The following SHROOM3 variants were observed in gnomAD, a reference collection of about 807,000 sequenced individuals.
SHROOM3 encodes the protein shroom family member 3.
Under a neutral mutation model 138.6 loss-of-function variants are expected in SHROOM3, and 47 were observed. The ratio of observed to expected loss-of-function variants is 0.34; its 90% confidence interval spans 0.27 to 0.43. The LOEUF (loss-of-function observed/expected upper bound fraction) is 0.43. SHROOM3 is among the 20% of genes least tolerant of loss of function. The probability of loss-of-function intolerance (pLI) is 1.00; values close to 1 mark genes in which losing one functional copy is unlikely to be tolerated. For missense variants in SHROOM3, 2,491 were observed against 2,596.5 expected, an observed-to-expected ratio of 0.96 and a Z score of 0.88; for synonymous variants, 1,062 against 1,063.3, an observed-to-expected ratio of 1.00 and a Z score of 0.02.
chr4:76,501,222 C>A (rs1459848309), intron 1 of SHROOM3, among the ~76,000 whole-genome samples: 1 of 152,144 alleles, frequency 6.6e-6, no homozygotes, highest in Admixed American at 6.5e-5. Flanking sequence ...CAAATATCTT[C>A]ACTCTGAGGC....
intron 2 of SHROOM3, among the ~76,000 whole-genome samples, chr4:76,650,788 C>A (rs1427117213): frequency 1.3e-5 from 2 of 152,100 alleles, no homozygotes; most frequent in Non-Finnish European, 2.9e-5. Flanking sequence ...CGTGATCCAC[C>A]CATCTCAGTC....
chr4:76,573,475 G>T (rs1733874804), intron 2 of SHROOM3: 1 of 153,490 alleles, frequency 6.5e-6, no homozygotes, highest in African/African-American at 2.4e-5. Context: ...CAATCAATTT[G>T]AATAGTCCCT....
intron 2 of SHROOM3, among the ~76,000 whole-genome samples, chr4:76,672,163 T>TA (rs892871771): frequency 2.0e-5 from 3 of 151,818 alleles, no homozygotes; most frequent in East Asian, 3.9e-4. Flanking sequence ...TTTATCCCTC[T>TA]AAAAAAAATG....
rs546754750 is a variant in SHROOM3, at chr4:76,464,584, G to T, written c.168+28364G>T. 5.9e-5 allele frequency among the ~76,000 whole-genome samples: 9 copies of T among 152,162 alleles called. No homozygotes were observed. The South Asian group carries it at 1.9e-3, about 32-fold the overall frequency. On this transcript the variant is annotated intron_variant, in intron 1 of 10. Transcript: ENST00000296043. Reference sequence around the variant, plus strand: ...CATGAGATTTTGGAGGGGGCAGGGTGGAATGATATTGTTTGGATTTGTGTC... The same window carrying T: ...CATGAGATTTTGGAGGGGGCAGGGTTGAATGATATTGTTTGGATTTGTGTC...
At chr4:76,541,287 G>T (rs1405169472) in intron 1 of SHROOM3, among the ~76,000 whole-genome samples, 2 of 149,358 alleles carry the variant, frequency 1.3e-5, no homozygotes, top group Non-Finnish European at 3.0e-5. Flanking sequence ...TAAGAACATG[G>T]AATAAACGTG....
At chr4:76,608,530 C>T (rs868236485) in intron 2 of SHROOM3, among the ~76,000 whole-genome samples, 1 of 12,278 alleles carries the variant, frequency 8.1e-5, no homozygotes, top group Non-Finnish European at 1.8e-4. Context: ...ACAGAGATGG[C>T]ATAGCATAGC....
At chr4:76,728,572 C>G (rs1047327222) in intron 3 of SHROOM3, among the ~76,000 whole-genome samples, 1 of 152,182 alleles carries the variant, frequency 6.6e-6, no homozygotes, top group African/African-American at 2.4e-5. Flanking sequence ...TGAGAATGAA[C>G]TAATACATGT....
chr4:76,573,940 C>G (rs533686142), intron 2 of SHROOM3, among the ~76,000 whole-genome samples: 2 of 151,986 alleles, frequency 1.3e-5, no homozygotes, highest in Non-Finnish European at 2.9e-5. Flanking sequence ...CTAGAGACCT[C>G]GAAATTGAGC....
In SHROOM3 at chr4:76,606,702, C is replaced by T. The variant is rs575245934; in HGVS notation, c.323+50939C>T. On this transcript the variant is annotated intron_variant, in intron 2 of 10. Coordinates refer to ENST00000296043, the MANE Select transcript of SHROOM3 (RefSeq NM_020859.4). ...TGGGCAACAGAGCAGGACTCCCTCT[C>T]AAAAAATAAATACATACATACATAC... 3.3e-5 allele frequency among the ~76,000 whole-genome samples: 5 copies of T among 152,038 alleles called. No homozygotes were observed. In the South Asian group the frequency reaches 1.0e-3, roughly 32 times the overall value.
chr4:76,765,757 G>T (rs1722134354), intron 9 of SHROOM3, among the ~76,000 whole-genome samples: 1 of 152,116 alleles, frequency 6.6e-6, no homozygotes. Context: ...AATATAATTA[G>T]AATGTGTATA....
intron 1 of SHROOM3, among the ~76,000 whole-genome samples, chr4:76,517,621 G>GTGTA (rs140095633): frequency 6.8e-6 from 1 of 146,846 alleles, no homozygotes; most frequent in Non-Finnish European, 1.5e-5. Flanking sequence ...TGTTTGTTTG[G>GTGTA]TATATATATA....
Position 76,537,270 on chromosome 4 carries a change from G to A in SHROOM3, c.169-18339G>A, listed in dbSNP as rs58131624. 4.9e-3 allele frequency among the ~76,000 whole-genome samples: 740 copies of A among 152,244 alleles called. 8 individuals are homozygous for A. The highest frequency in any genetic ancestry group is 0.017 in the African/African-American group (699 of 41,546). ...TTCAGAAAATCTCAAGGAAGCCAGG[G>A]TGGCTGAAGTAGACCAATCCCAAGG... On this transcript the variant is annotated intron_variant, in intron 1 of 10. Coordinates refer to ENST00000296043, the MANE Select transcript of SHROOM3 (RefSeq NM_020859.4).
chr4:76,561,686 T>TAA (rs549046211), intron 2 of SHROOM3, among the ~76,000 whole-genome samples: 11,457 of 89,140 alleles, frequency 0.13, 876 homozygotes, highest in Non-Finnish European at 0.18. Flanking sequence ...TCTGTGATGC[T>TAA]AAAAAAAAAA....
chr4:76,575,071 T>C (rs1733911754), intron 2 of SHROOM3, among the ~76,000 whole-genome samples: 1 of 152,200 alleles, frequency 6.6e-6, no homozygotes, highest in Non-Finnish European at 1.5e-5. Flanking sequence ...ATACTATATA[T>C]CTTCTCAATA....
At chr4:76,759,129 GA>G (rs1267502619) in intron 8 of SHROOM3, among the ~76,000 whole-genome samples, 1 of 152,192 alleles carries the variant, frequency 6.6e-6, no homozygotes, top group African/African-American at 2.4e-5. Flanking sequence ...AGGAGTATAG[GA>G]AATAATTGAC....
intron 1 of SHROOM3, among the ~76,000 whole-genome samples, chr4:76,519,912 A>G (rs954318157): frequency 1.3e-5 from 2 of 152,174 alleles, no homozygotes; most frequent in African/African-American, 4.8e-5. Flanking sequence ...GTAACGGAAG[A>G]TTTTGTGTTG....
At position 76,555,591 on chromosome 4, in the gene SHROOM3, A is replaced by G; in HGVS notation, c.169-18A>G. The G allele has an allele frequency of 6.2e-7, 1 of 1,612,700 alleles. No homozygotes were observed. The highest frequency in any genetic ancestry group is 8.5e-7 in the Non-Finnish European group (1 of 1,179,926). On this transcript the variant is annotated intron_variant, in intron 1 of 10. Coordinates refer to ENST00000296043, the MANE Select transcript of SHROOM3 (RefSeq NM_020859.4). ...GGGAAAGCTCACTCGTGGCTGTCGC[A>G]TCTCTCCCTCCAAGCAGGTCGAAGA...
intron 10 of SHROOM3, among the ~76,000 whole-genome samples, chr4:76,772,103 C>CTTTTTT (rs35590411): frequency 9.4e-4 from 117 of 125,102 alleles, no homozygotes; most frequent in Non-Finnish European, 1.3e-3. Context: ...TTTTCTTTTT[C>CTTTTTT]TTTTTTTTTT....
At chr4:76,498,591 T>C (rs1732018217) in intron 1 of SHROOM3, among the ~76,000 whole-genome samples, 1 of 152,160 alleles carries the variant, frequency 6.6e-6, no homozygotes, top group Admixed American at 6.5e-5. Flanking sequence ...AATCATCAAG[T>C]ATATTCCATT....
Sources: gnomAD v4.1 joint callset for allele counts (sites outside exome capture counted in the v4.1 genomes callset) on GRCh38, gnomAD v4.1.1 for gene constraint, MANE v1.5 for transcripts, NCBI Gene and HGNC (gene_info 2026-07-23, HGNC 2026-07-21) for gene names.